Variants in LSAMP observed in about 807,000 individuals in gnomAD.
LSAMP encodes limbic system-associated membrane protein.
LSAMP carries 7 observed loss-of-function variants against 38.6 expected under a neutral mutation model. The ratio of observed to expected loss-of-function variants is 0.18; its 90% CI spans 0.10 to 0.34. LSAMP has a LOEUF of 0.34. Among genes scored for constraint, LSAMP ranks in the 10% least tolerant of loss-of-function variants. The pLI, the probability that LSAMP is intolerant of heterozygous loss-of-function variation, is 1.00. For missense variants in LSAMP, 313 were observed against 420.0 expected (o/e 0.75, Z 2.23); for synonymous variants, 154 against 166.8 (o/e 0.92, Z 0.59).
chr3:116,090,406 A>G (rs958622569), intron 1 of LSAMP, among the ~76,000 whole-genome samples: 1 of 152,176 alleles, frequency 6.6e-6, no homozygotes, highest in African/African-American at 2.4e-5. Flanking sequence ...TGAATCACCA[A>G]TAAGCATCAT....
intron 1 of LSAMP, among the ~76,000 whole-genome samples, chr3:116,284,978 G>A (rs1193000355): frequency 1.3e-5 from 2 of 152,178 alleles, no homozygotes; most frequent in African/African-American, 4.8e-5. Context: ...TTGCATTGTG[G>A]TGAAGTACCT....
chr3:116,125,546 TTTTC>T (rs1708989577), intron 1 of LSAMP, among the ~76,000 whole-genome samples: 1 of 152,162 alleles, frequency 6.6e-6, no homozygotes, highest in Non-Finnish European at 1.5e-5. Context: ...CTCTCAACTC[TTTTC>T]TTTGACTTCC....
intron 1 of LSAMP, among the ~76,000 whole-genome samples, chr3:116,405,872 G>C (rs2048891504): frequency 6.6e-6 from 1 of 151,990 alleles, no homozygotes; most frequent in African/African-American, 2.4e-5. Flanking sequence ...ACCATAGTGG[G>C]AAGAAAGAGA....
intron 3 of LSAMP, among the ~76,000 whole-genome samples, chr3:115,892,548 C>T (rs13089599): frequency 0.16 from 24,395 of 151,730 alleles, 2,029 homozygotes; most frequent in Middle Eastern, 0.21. Flanking sequence ...CAGGGGTTAC[C>T]CTTCTAGCAG....
intron 1 of LSAMP, among the ~76,000 whole-genome samples, chr3:116,257,882 A>AAAG (rs1223118905): frequency 2.0e-5 from 3 of 152,132 alleles, no homozygotes; most frequent in African/African-American, 7.2e-5. Context: ...AAATTTTAAA[A>AAAG]AAGAAGTATT....
At position 116,386,455 on chromosome 3, in the gene LSAMP, C is replaced by A. The variant is rs548213662; in HGVS notation, c.155+58422G>T. Among the ~76,000 whole-genome samples, 112 of 152,208 alleles carry A rather than the reference C, an allele frequency of 7.4e-4. 1 individual carries two copies. Among genetic ancestry groups the A allele is most frequent in the Middle Eastern group, 3.4e-3 (1 of 294 alleles). The stretch of plus-strand genomic sequence containing the variant: ...ATCCTCTACAGCATCCTAACACAGT[C>A]ATATAGTACATATTCTTCTCTCTCT... On this transcript the variant is annotated intron_variant, in intron 1 of 6. Transcript: ENST00000490035.
chr3:116,274,972 G>C (rs1371765633), intron 1 of LSAMP, among the ~76,000 whole-genome samples: 1 of 130,784 alleles, frequency 7.6e-6, no homozygotes, highest in African/African-American at 2.7e-5. Context: ...AAAAAAAACT[G>C]CTGCCCAGAG....
chr3:116,349,484 TACACAC>T (rs59773081), intron 1 of LSAMP, among the ~76,000 whole-genome samples: 1 of 149,052 alleles, frequency 6.7e-6, no homozygotes, highest in African/African-American at 2.5e-5. Context: ...CCAAAAAAAC[TACACAC>T]ACACACACAC....
At position 115,993,330 on chromosome 3, in the gene LSAMP, A is replaced by G. The variant is rs180771718; in HGVS notation, c.514+26185T>C. 2.2e-3 allele frequency among the ~76,000 whole-genome samples: 331 copies of G among 152,142 alleles called. 2 individuals carry two copies. Among genetic ancestry groups the G allele is most frequent in the African/African-American group, 7.2e-3 (299 of 41,518 alleles). On this transcript the variant is annotated intron_variant, in intron 3 of 6. Coordinates refer to ENST00000490035, the MANE Select transcript of LSAMP (RefSeq NM_002338.5). ...AGTGTTAGAAAAAAATTCATCTAGC[A>G]TTTCCATTTCTACTGCTGTATTGCC...
intron 3 of LSAMP, among the ~76,000 whole-genome samples, chr3:115,888,573 G>A (rs1936514960): frequency 6.6e-6 from 1 of 151,876 alleles, no homozygotes; most frequent in African/African-American, 2.4e-5. Context: ...AAAGAAGTTA[G>A]GGATATACTC....
intron 1 of LSAMP, among the ~76,000 whole-genome samples, chr3:116,327,668 T>A (rs978747914): frequency 2.0e-5 from 3 of 152,166 alleles, no homozygotes; most frequent in African/African-American, 7.2e-5. Context: ...GAATTTTAGA[T>A]CCATTCCTGA....
intron 3 of LSAMP, among the ~76,000 whole-genome samples, chr3:115,853,098 C>G (rs13096494): frequency 0.16 from 23,959 of 152,246 alleles, 2,318 homozygotes; most frequent in Middle Eastern, 0.23. Context: ...GGATATAGCA[C>G]CAACATCATC....
chr3:116,302,625 A>G (rs1036446404), intron 1 of LSAMP, among the ~76,000 whole-genome samples: 1 of 152,220 alleles, frequency 6.6e-6, no homozygotes, highest in African/African-American at 2.4e-5. Context: ...TTTAGTCCAG[A>G]TGGCTATGGT....
intron 1 of LSAMP, among the ~76,000 whole-genome samples, chr3:116,303,772 C>CAACA (rs1232849173): frequency 6.6e-6 from 1 of 152,162 alleles, no homozygotes; most frequent in Non-Finnish European, 1.5e-5. Context: ...ACTCGGAGCA[C>CAACA]AACAGATTTA....
chr3:116,342,331 T>G (rs1470025183), intron 1 of LSAMP, among the ~76,000 whole-genome samples: 1 of 152,086 alleles, frequency 6.6e-6, no homozygotes, highest in African/African-American at 2.4e-5. Flanking sequence ...ATTTCCAGAA[T>G]GCACATCAAA....
At chr3:116,223,857 C>G (rs910127418) in intron 1 of LSAMP, among the ~76,000 whole-genome samples, 1 of 152,122 alleles carries the variant, frequency 6.6e-6, no homozygotes, top group South Asian at 2.1e-4. Flanking sequence ...TGCATACAAA[C>G]TATATAGAGA....
chr3:116,334,117 T>C (rs1193693248), intron 1 of LSAMP, among the ~76,000 whole-genome samples: 1 of 151,886 alleles, frequency 6.6e-6, no homozygotes, highest in African/African-American at 2.4e-5. Context: ...CTATTAACAA[T>C]CAGATGCCAA....
At chr3:115,885,905 C>T (rs1489791947) in intron 3 of LSAMP, among the ~76,000 whole-genome samples, 1 of 151,864 alleles carries the variant, frequency 6.6e-6, no homozygotes, top group Non-Finnish European at 1.5e-5. Context: ...TCTTAAAGCA[C>T]TGAATAAAAG....
intron 1 of LSAMP, among the ~76,000 whole-genome samples, chr3:116,117,760 G>A (rs1708784730): frequency 6.6e-6 from 1 of 152,010 alleles, no homozygotes; most frequent in South Asian, 2.1e-4. Flanking sequence ...GTCTTTGGGA[G>A]GAAACCACAG....
Sources: gnomAD v4.1 joint callset for allele counts (sites outside exome capture counted in the v4.1 genomes callset) on GRCh38, gnomAD v4.1.1 for gene constraint, MANE v1.5 for transcripts, NCBI Gene and HGNC (gene_info 2026-07-23, HGNC 2026-07-21) for gene names.